Variants in GPATCH2 observed in about 807,000 individuals in gnomAD.
GPATCH2 encodes the protein G-patch domain containing 2.
Under a neutral mutation model 58.0 loss-of-function variants are expected in GPATCH2, and 51 were observed. The observed-to-expected ratio is 0.88, with a 90% CI of 0.70 to 1.11. The LOEUF is 1.11. GPATCH2 is among the 50% of genes most tolerant of loss of function. The pLI is 0.00. For synonymous variants in GPATCH2, 222 were observed against 218.5 expected, an observed-to-expected ratio of 1.02 and a Z score of -0.14; for missense variants, 625 against 652.2, an observed-to-expected ratio of 0.96 and a Z score of 0.45.
chr1:217,497,451 T>G (rs1662067347), intron 7 of GPATCH2, among the ~76,000 whole-genome samples: 1 of 152,100 alleles, frequency 6.6e-6, no homozygotes, highest in South Asian at 2.1e-4. Context: ...AGCTTATGTG[T>G]GTTAAAAAAT....
chr1:217,563,873 C>G (rs551129387), intron 5 of GPATCH2, among the ~76,000 whole-genome samples: 1 of 151,724 alleles, frequency 6.6e-6, no homozygotes, highest in Non-Finnish European at 1.5e-5. Flanking sequence ...GGAGGAACCC[C>G]GTCTCTACTC....
intron 2 of GPATCH2, among the ~76,000 whole-genome samples, chr1:217,615,749 T>C (rs536236951): frequency 6.6e-6 from 1 of 152,262 alleles, no homozygotes; most frequent in African/African-American, 2.4e-5. Flanking sequence ...ATATATTTCT[T>C]CAATTAAATG....
At chr1:217,465,280 G>C (rs1432426981) in intron 8 of GPATCH2, among the ~76,000 whole-genome samples, 1 of 151,904 alleles carries the variant, frequency 6.6e-6, no homozygotes, top group Non-Finnish European at 1.5e-5. Flanking sequence ...GAAATTAAAA[G>C]GAAATTAAAA....
At chr1:217,475,807 T>A (rs1467039951) in intron 8 of GPATCH2, among the ~76,000 whole-genome samples, 1 of 152,144 alleles carries the variant, frequency 6.6e-6, no homozygotes, top group Non-Finnish European at 1.5e-5. Context: ...CAAAATTCCA[T>A]AAATTTAACC....
chr1:217,564,848 C>G (rs1487433559), intron 5 of GPATCH2, among the ~76,000 whole-genome samples: 2 of 152,176 alleles, frequency 1.3e-5, no homozygotes, highest in African/African-American at 4.8e-5. Context: ...AAACGTGCTG[C>G]TGGCTCTAAG....
Position 217,529,452 on chromosome 1 carries a change from G to C in GPATCH2, c.1099-14563C>G, listed in dbSNP as rs538555635. Among the ~76,000 whole-genome samples the C allele has an allele frequency of 2.0e-5, 3 of 152,240 alleles. No homozygotes were observed. In the South Asian group the frequency reaches 6.2e-4, roughly 32 times the overall value. ...TGTAGAAATGGATTAGTTCCCTCCA[G>C]AGTGGGTTGTTATAAAGCCAGGACA... On this transcript the variant is annotated intron_variant, in intron 5 of 9. Transcript: ENST00000366935.
rs1455381584 is a variant in GPATCH2 at position 217,498,189 on chromosome 1, A to G, written c.1206+167T>C. ...AAAACTCTCATGCTGATTAAGGATC[A>G]CGCATTTATTTGGTCAGTGTATTTA... On this transcript the variant is annotated intron_variant, in intron 7 of 9. Transcript: ENST00000366935. The G allele has an allele frequency of 6.8e-6, 5 of 739,436 alleles. No homozygotes were observed. The African/African-American group carries it at 6.9e-5, about 10-fold the overall frequency. The allele number at this position is 739,436 out of a possible 1,614,324, so 45.8% of individuals were successfully genotyped here.
chr1:217,539,689 T>C (rs745522388), intron 5 of GPATCH2, among the ~76,000 whole-genome samples: 2 of 152,170 alleles, frequency 1.3e-5, no homozygotes, highest in African/African-American at 4.8e-5. Context: ...GAGTAATACA[T>C]AATAAATCTG....
intron 8 of GPATCH2, among the ~76,000 whole-genome samples, chr1:217,486,707 T>C (rs1179445220): frequency 6.6e-6 from 1 of 152,166 alleles, no homozygotes; most frequent in Non-Finnish European, 1.5e-5. Context: ...GGCAATGGCA[T>C]GTGGAAAGCA....
At position 217,516,034 on chromosome 1, in the gene GPATCH2, T is replaced by C. The variant is rs112323199; in HGVS notation, c.1099-1145A>G. Reference sequence around the variant, plus strand: ...AATTTCATCTAAGAGAAAAATATTTTCACTCCTTTATTTCTAAATAAAATT... The same window carrying C: ...AATTTCATCTAAGAGAAAAATATTTCCACTCCTTTATTTCTAAATAAAATT... On this transcript the variant is annotated intron_variant, in intron 5 of 9. Coordinates refer to ENST00000366935, the MANE Select transcript of GPATCH2 (RefSeq NM_018040.5). Among the ~76,000 whole-genome samples the C allele has an allele frequency of 3.2e-3, 482 of 152,052 alleles. 2 individuals carry two copies. Among genetic ancestry groups the C allele is most frequent in the African/African-American group, 0.011 (460 of 41,544 alleles).
intron 5 of GPATCH2, among the ~76,000 whole-genome samples, chr1:217,548,721 C>T (rs1665199609): frequency 6.6e-6 from 1 of 152,028 alleles, no homozygotes; most frequent in Non-Finnish European, 1.5e-5. Context: ...CCATACTGTT[C>T]TCATGAAAGT....
chr1:217,534,638 C>T (rs993538097), intron 5 of GPATCH2, among the ~76,000 whole-genome samples: 1 of 151,998 alleles, frequency 6.6e-6, no homozygotes, highest in Non-Finnish European at 1.5e-5. Context: ...CTGGTACCCT[C>T]TGCACTCACC....
intron 5 of GPATCH2, chr1:217,608,295 T>C (rs112094445): frequency 9.8e-5 from 96 of 980,640 alleles, no homozygotes; most frequent in African/African-American, 7.0e-4. Context: ...AAGGAGTCCA[T>C]TGTCTTCAGT....
chr1:217,610,778 G>T, intron 4 of GPATCH2, 111 bp downstream of exon 4: 4 of 702,346 alleles, frequency 5.7e-6, no homozygotes, highest in Non-Finnish European at 9.5e-6. Context: ...TTTCTTTACA[G>T]CATCTTGTGT....
chr1:217,511,923 T>C (rs1462743498), intron 6 of GPATCH2, among the ~76,000 whole-genome samples: 2 of 152,114 alleles, frequency 1.3e-5, no homozygotes, highest in African/African-American at 4.8e-5. Flanking sequence ...TGGCTTCTCC[T>C]TGTCAAGAGT....
intron 6 of GPATCH2, among the ~76,000 whole-genome samples, chr1:217,507,941 G>A (rs999925567): frequency 6.6e-6 from 1 of 151,890 alleles, no homozygotes; most frequent in Non-Finnish European, 1.5e-5. Flanking sequence ...AAAAACAGTG[G>A]TGCATATGAA....
intron 6 of GPATCH2, among the ~76,000 whole-genome samples, chr1:217,509,095 T>C (rs758021077): frequency 6.6e-6 from 1 of 152,080 alleles, no homozygotes; most frequent in African/African-American, 2.4e-5. Flanking sequence ...ATCCCAGCAC[T>C]TTGGGATGAG....
intron 1 of GPATCH2, among the ~76,000 whole-genome samples, chr1:217,628,523 A>C (rs914969728): frequency 6.6e-6 from 1 of 152,042 alleles, no homozygotes; most frequent in Non-Finnish European, 1.5e-5. Context: ...AACTCCAAAA[A>C]ACAAGCAATT....
chr1:217,529,169 T>C (rs1347637985), intron 5 of GPATCH2, among the ~76,000 whole-genome samples: 1 of 152,270 alleles, frequency 6.6e-6, no homozygotes, highest in East Asian at 1.9e-4. Flanking sequence ...AAGCATTTGT[T>C]AAAAAGGGGC....
Sources: allele counts gnomAD v4.1 joint callset (sites outside exome capture counted in the v4.1 genomes callset), GRCh38; gene constraint gnomAD v4.1.1; transcripts MANE v1.5; gene names NCBI Gene and HGNC (gene_info 2026-07-23, HGNC 2026-07-21).